The following RXRA variants were observed in gnomAD, a reference collection of about 807,000 sequenced individuals.
The protein encoded by RXRA is retinoid X receptor alpha, also known as retinoic acid receptor RXR-alpha.
RXRA carries 5 observed loss-of-function variants against 44.5 expected under a neutral mutation model. That is an observed-to-expected ratio of 0.11 (90% CI 0.06 to 0.24). RXRA has a LOEUF of 0.24. RXRA is among the 10% of genes least tolerant of loss of function. RXRA has a pLI of 1.00. For synonymous variants in RXRA, 291 were observed against 271.4 expected (o/e 1.07, Z -0.71); for missense variants, 412 against 646.5 (o/e 0.64, Z 3.93).
chr9:134,341,225 G>C (rs1381194582), intron 1 of RXRA, among the ~76,000 whole-genome samples: 2 of 152,238 alleles, frequency 1.3e-5, no homozygotes, highest in African/African-American at 4.8e-5. Flanking sequence ...TGCTGATGAG[G>C]AGGCCGAGCT....
At chr9:134,336,558 G>A (rs1830010201) in intron 1 of RXRA, among the ~76,000 whole-genome samples, 2 of 152,176 alleles carry the variant, frequency 1.3e-5, no homozygotes, top group Non-Finnish European at 2.9e-5. Context: ...TGGCCGGCCG[G>A]AGCCTTGGTG....
chr9:134,403,868 C>T (rs1433500493), intron 2 of RXRA: 8 of 152,264 alleles, frequency 5.3e-5, no homozygotes, highest in African/African-American at 1.7e-4. Context: ...GGAGCAGACG[C>T]GGGTTGCCCC....
In RXRA at chr9:134,421,218, G is replaced by C. The variant is rs182943861; in HGVS notation, c.781-458G>C. On this transcript the variant is annotated intron_variant, in intron 5 of 9. Transcript: ENST00000481739. Reference sequence around the variant, plus strand: ...CCAGAGAGCCAAAAGCAGTCTTGCCGGGCTGACATCAAGGTGCCTGCCGGC... The same window carrying C: ...CCAGAGAGCCAAAAGCAGTCTTGCCCGGCTGACATCAAGGTGCCTGCCGGC... Among the ~76,000 whole-genome samples the C allele has an allele frequency of 2.6e-3, 396 of 152,314 alleles. 1 individual carries two copies. The highest frequency in any genetic ancestry group is 4.4e-3 in the Non-Finnish European group (300 of 68,028).
rs530109747 is a variant in RXRA, at chr9:134,434,867, G to T, written c.1241+660G>T. On this transcript the variant is annotated intron_variant, in intron 9 of 9. Transcript: ENST00000481739. The stretch of plus-strand genomic sequence containing the variant: ...TGATCCTCAGACTGTGGGGCGGGGA[G>T]GGGGTCGGGGGAGGTGGGGCCCAGC... Among the ~76,000 whole-genome samples the T allele has an allele frequency of 1.7e-4, 26 of 150,770 alleles. No individual in the cohort carries two copies. The East Asian group carries it at 2.7e-3, about 16-fold the overall frequency.
Position 134,419,640 on chromosome 9 carries a change from T to C in RXRA, c.781-2036T>C, listed in dbSNP as rs35471980. ...CGGGGCAGGGCCTGGGCGGGTCCTG[T>C]GGACACTTCTAGGCAGGAGTAGAGC... On this transcript the variant is annotated intron_variant, in intron 5 of 9. Transcript: ENST00000481739. 8.2e-4 allele frequency among the ~76,000 whole-genome samples: 125 copies of C among 152,318 alleles called. 2 individuals carry two copies. Among genetic ancestry groups the C allele is most frequent in the African/African-American group, 3.0e-3 (124 of 41,568 alleles).
intron 1 of RXRA, among the ~76,000 whole-genome samples, chr9:134,337,376 G>C (rs1830024021): frequency 6.6e-6 from 1 of 152,218 alleles, no homozygotes; most frequent in African/African-American, 2.4e-5. Context: ...GGAAGGCCCA[G>C]TAGAGCCAGG....
At chr9:134,429,008 C>T in intron 6 of RXRA, 100 bp from the exon 7 acceptor site, 1 of 1,441,188 alleles carries the variant, frequency 6.9e-7, no homozygotes, top group Non-Finnish European at 9.5e-7. Flanking sequence ...CAGGATGGGT[C>T]GGTGACATGC....
At chr9:134,357,614 A>G (rs1830298737) in intron 1 of RXRA, among the ~76,000 whole-genome samples, 1 of 152,010 alleles carries the variant, frequency 6.6e-6, no homozygotes, top group Non-Finnish European at 1.5e-5. Flanking sequence ...TTCGAGGCCA[A>G]GGGTTCGGCT....
At chr9:134,405,922 C>T (rs1181191703) in intron 2 of RXRA, 3 of 152,576 alleles carry the variant, frequency 2.0e-5, no homozygotes, top group Admixed American at 2.0e-4. Flanking sequence ...CCTCTGAACA[C>T]TGGCTTGGGG....
At chr9:134,376,243 C>T (rs1479125453) in intron 1 of RXRA, among the ~76,000 whole-genome samples, 1 of 152,136 alleles carries the variant, frequency 6.6e-6, no homozygotes, top group African/African-American at 2.4e-5. Context: ...CCTGCCCATG[C>T]CAGCTGTCGC....
chr9:134,431,724 C>T (rs893809505), intron 7 of RXRA, among the ~76,000 whole-genome samples, 181 bp from the exon 8 acceptor site: 1 of 151,848 alleles, frequency 6.6e-6, no homozygotes, highest in African/African-American at 2.4e-5. Context: ...AGGGGCGGCA[C>T]CTGGGCCTGG....
chr9:134,368,598 G>A (rs1409951852), intron 1 of RXRA, among the ~76,000 whole-genome samples: 1 of 151,826 alleles, frequency 6.6e-6, no homozygotes, highest in African/African-American at 2.4e-5. Context: ...GTAGGTGACT[G>A]TGAGTGTACA....
At position 134,366,457 on chromosome 9, in the gene RXRA, G is replaced by A. The variant is rs1369140730; in HGVS notation, c.29-35175G>A. Among the ~76,000 whole-genome samples, 1 of 152,188 alleles carries A rather than the reference G, an allele frequency of 6.6e-6. No individual in the cohort carries two copies. Among genetic ancestry groups the A allele is most frequent in the Non-Finnish European group, 1.5e-5 (1 of 68,030 alleles). ...GCGCATCTGCAACTCATTACACAGCGGTGTCGGTGGCAGAGTGGCCTGGCC... is the reference window on the plus strand; with the variant it reads ...GCGCATCTGCAACTCATTACACAGCAGTGTCGGTGGCAGAGTGGCCTGGCC... On this transcript the variant is annotated intron_variant, in intron 1 of 9. Coordinates refer to ENST00000481739, the MANE Select transcript of RXRA (RefSeq NM_002957.6). The surrounding 1 kb of genome is among the most constrained non-coding windows in gnomAD (Gnocchi z 5.9).
Position 134,342,423 on chromosome 9 carries a change from C to G in RXRA, c.28+15764C>G, listed in dbSNP as rs1830096782. Among the ~76,000 whole-genome samples the G allele has an allele frequency of 6.6e-6, 1 of 152,180 alleles. No homozygotes were observed. Among genetic ancestry groups the G allele is most frequent in the Admixed American group, 6.5e-5 (1 of 15,290 alleles). Reference sequence around the variant, plus strand: ...AGCTTGTGGGCATGGAGGGGCCGATCCTTGCCCTTTCCCTGCCAGGAAACT... The same window carrying G: ...AGCTTGTGGGCATGGAGGGGCCGATGCTTGCCCTTTCCCTGCCAGGAAACT... On this transcript the variant is annotated intron_variant, in intron 1 of 9. Coordinates refer to ENST00000481739, the MANE Select transcript of RXRA (RefSeq NM_002957.6). The surrounding 1 kb of genome is among the most constrained non-coding windows in gnomAD (Gnocchi z 4.4).
intron 6 of RXRA, chr9:134,427,094 A>G (rs938162095): frequency 1.6e-4 from 153 of 983,350 alleles, no homozygotes; most frequent in Admixed American, 4.3e-4. Context: ...GATTACCCAC[A>G]TGTCAGATTG....
At chr9:134,423,670 A>G in intron 6 of RXRA, 1 of 985,488 alleles carries the variant, frequency 1.0e-6, no homozygotes, top group Non-Finnish European at 1.2e-6. Flanking sequence ...GGCCTGAGGC[A>G]TGTGGCTGTC....
At chr9:134,412,336 T>G (rs1831163067) in intron 4 of RXRA, among the ~76,000 whole-genome samples, 1 of 152,196 alleles carries the variant, frequency 6.6e-6, no homozygotes, top group Non-Finnish European at 1.5e-5. Context: ...CGGTTTGTGA[T>G]CAGACCCCTA....
At chr9:134,375,929 G>A (rs900475552) in intron 1 of RXRA, among the ~76,000 whole-genome samples, 1 of 148,674 alleles carries the variant, frequency 6.7e-6, no homozygotes, top group African/African-American at 2.6e-5. Flanking sequence ...ACAAGCTGCC[G>A]GCCGCCCTCC....
At chr9:134,422,540 T>TC in intron 6 of RXRA, 2 of 1,073,430 alleles carry the variant, frequency 1.9e-6, no homozygotes, top group Admixed American at 3.7e-5. Flanking sequence ...TCCGGGACAC[T>TC]CCCCCCTCCT....
Sources: gnomAD v4.1 joint callset for allele counts (sites outside exome capture counted in the v4.1 genomes callset) on GRCh38, gnomAD v4.1.1 for gene constraint, Gnocchi (gnomAD v3.1) non-coding constraint, MANE v1.5 for transcripts, NCBI Gene and HGNC (gene_info 2026-07-23, HGNC 2026-07-21) for gene names.